The following NFASC variants were observed in gnomAD, a reference collection of about 807,000 sequenced individuals.
NFASC encodes neurofascin homolog.
Under a neutral mutation model 147.5 loss-of-function variants are expected in NFASC, and 43 were observed. The observed-to-expected ratio is 0.29, with a 90% confidence interval of 0.23 to 0.38. The LOEUF is 0.38. Among genes scored for constraint, NFASC ranks in the 10% least tolerant of loss-of-function variants. NFASC has a pLI of 1.00. For synonymous variants in NFASC, 622 were observed against 665.5 expected (o/e 0.93, Z 1.01); for missense variants, 1,320 against 1,689.0 (o/e 0.78, Z 3.83).
At chr1:204,914,664 G>A (rs1446847804) in intron 1 of NFASC, among the ~76,000 whole-genome samples, 1 of 152,178 alleles carries the variant, frequency 6.6e-6, no homozygotes, top group Non-Finnish European at 1.5e-5. Flanking sequence ...GTATCACATT[G>A]TCAGAGATCA....
chr1:204,920,727 A>C lies in NFASC; in HGVS notation c.-104A>C. 1.6e-6 allele frequency: 2 copies of C among 1,287,840 alleles called. No homozygotes were observed. The highest frequency in any genetic ancestry group is 2.5e-5 in the South Asian group (2 of 80,976). The allele number at this position is 1,287,840 out of a possible 1,614,324, so 79.8% of individuals were successfully genotyped here. A position where few individuals can be genotyped will look rare whatever the true frequency, so the allele number is the denominator to read the frequency against. On this transcript the variant is annotated 5_prime_UTR_variant, in exon 2 of 30. The change abolishes an upstream ATG in the 5' untranslated region. Transcript: ENST00000339876. Reference sequence around the variant, plus strand: ...TCTGGTGTTGCAAGGAAGAGGCTGAATGAGGCAGAGAAGGTAAGCAGGACT... The same window carrying C: ...TCTGGTGTTGCAAGGAAGAGGCTGACTGAGGCAGAGAAGGTAAGCAGGACT...
intron 1 of NFASC, among the ~76,000 whole-genome samples, chr1:204,908,375 A>G (rs1161408245): frequency 1.3e-5 from 2 of 152,162 alleles, no homozygotes; most frequent in Non-Finnish European, 2.9e-5. Flanking sequence ...TTTAACTAAC[A>G]TTAAATTGGT....
In NFASC at chr1:205,009,582, C is replaced by G; in HGVS notation, c.3315C>G (p.Ile1105Met). 6.2e-7 allele frequency: 1 copy of G among 1,614,162 alleles called. No individual in the cohort carries two copies. The highest frequency in any genetic ancestry group is 8.5e-7 in the Non-Finnish European group (1 of 1,180,024). ...CTTACACCAACAACCAAGCGGACAT[C>G]GCCACCCAGGGCTGGTTCATTGGGC... Reference protein sequence around the residue: ...STAYTNNQADIATQGWFIGLM... With the variant: ...STAYTNNQADMATQGWFIGLM... The change falls in exon 28 of 30, where the codon ATC (isoleucine) becomes ATG (methionine). Residue 1105 changes from isoleucine to methionine, a missense_variant. Ile to Met is a conservative substitution (Grantham distance 10, BLOSUM62 1). Transcript: ENST00000339876.
chr1:204,843,271 G>A (rs1278162651), intron 1 of NFASC, among the ~76,000 whole-genome samples: 2 of 152,110 alleles, frequency 1.3e-5, no homozygotes, highest in Non-Finnish European at 2.9e-5. Context: ...TGCTTGCTGG[G>A]ACTATTTCCT....
At chr1:204,929,214 C>A (rs908720511) in intron 2 of NFASC, among the ~76,000 whole-genome samples, 1 of 152,094 alleles carries the variant, frequency 6.6e-6, no homozygotes, top group South Asian at 2.1e-4. Context: ...CAGGCTAGGC[C>A]TGCTGAGTGC....
In NFASC at chr1:204,954,263, G is replaced by C. The variant is rs139082842; in HGVS notation, c.291G>C (p.Gly97=). ...GGGTGTCCATGAGGAGGAGGTCTGG[G>C]ACCCTGGTGATTGACTTCCGCAGTG... ...DPRVSMRRRS[G]TLVIDFRSGG... is the part of the protein sequence containing the mutation. Residue 97 remains glycine, a synonymous_variant, in exon 6 of 30, where the codon GGG becomes GGC. Coordinates refer to ENST00000339876, the MANE Select transcript of NFASC (RefSeq NM_001005388.3). The surrounding 1 kb of genome is among the most constrained non-coding windows in gnomAD (Gnocchi z 5.7). 6.2e-7 allele frequency: 1 copy of C among 1,614,214 alleles called. No homozygotes were observed. The highest frequency in any genetic ancestry group is 8.5e-7 in the Non-Finnish European group (1 of 1,180,036).
At chr1:204,852,783 G>A (rs972506956) in intron 1 of NFASC, among the ~76,000 whole-genome samples, 1 of 152,232 alleles carries the variant, frequency 6.6e-6, no homozygotes, top group Non-Finnish European at 1.5e-5. Flanking sequence ...GGGTACTGCT[G>A]TGGCACCATG....
chr1:204,907,062 C>G (rs1558055598), intron 1 of NFASC, among the ~76,000 whole-genome samples: 2 of 152,250 alleles, frequency 1.3e-5, no homozygotes, highest in Middle Eastern at 6.8e-3. Flanking sequence ...AGTGGATGTA[C>G]CATTTTTTAT....
intron 1 of NFASC, among the ~76,000 whole-genome samples, chr1:204,890,695 G>T (rs879628736): frequency 1.3e-5 from 2 of 151,696 alleles, no homozygotes; most frequent in Non-Finnish European, 2.9e-5. Context: ...TCAGCCTCCC[G>T]AGTGGCTGGA....
rs940084202 is a variant in NFASC, at chr1:204,935,918, C to G, written c.-90-8308C>G. Reference sequence around the variant, plus strand: ...TTCCAGTTCTTTCCTCCCACACTATCTTTATGTCAGTCACTCTCCTTTCCC... The same window carrying G: ...TTCCAGTTCTTTCCTCCCACACTATGTTTATGTCAGTCACTCTCCTTTCCC... On this transcript the variant is annotated intron_variant, in intron 2 of 29. Coordinates refer to ENST00000339876, the MANE Select transcript of NFASC (RefSeq NM_001005388.3). Among the ~76,000 whole-genome samples, 20 of 152,272 alleles carry G rather than the reference C, an allele frequency of 1.3e-4. No homozygotes were observed. In the East Asian group the frequency reaches 3.7e-3, roughly 28 times the overall value.
chr1:204,936,114 C>T (rs2092800499), intron 2 of NFASC, among the ~76,000 whole-genome samples: 1 of 151,990 alleles, frequency 6.6e-6, no homozygotes, highest in African/African-American at 2.4e-5. Flanking sequence ...GAAGAAGGCC[C>T]CTGAGTCATT....
intron 1 of NFASC, among the ~76,000 whole-genome samples, chr1:204,906,816 T>G (rs924841973): frequency 6.6e-6 from 1 of 151,916 alleles, no homozygotes; most frequent in Non-Finnish European, 1.5e-5. Flanking sequence ...CCCGAGTAGC[T>G]GGGACTACAG....
chr1:204,898,108 C>T (rs1298275799), intron 1 of NFASC, among the ~76,000 whole-genome samples: 2 of 152,324 alleles, frequency 1.3e-5, no homozygotes, highest in East Asian at 3.9e-4. Context: ...GTCTTGAACT[C>T]TTGGGTTCAA....
intron 1 of NFASC, among the ~76,000 whole-genome samples, chr1:204,884,853 G>T (rs1249480475): frequency 6.6e-6 from 1 of 152,162 alleles, no homozygotes; most frequent in African/African-American, 2.4e-5. Context: ...AATAAAGAGA[G>T]TGCCACACTT....
Position 205,022,601 on chromosome 1 carries a change from A to G in NFASC, c.*6062A>G, listed in dbSNP as rs1216442513. On this transcript the variant is annotated 3_prime_UTR_variant, in exon 30 of 30. Coordinates refer to ENST00000339876, the MANE Select transcript of NFASC (RefSeq NM_001005388.3). ...TTTTGCGAGTTATTTTGCATTAACCAACTTTGTCAGTGACAGATGCGTATC... is the reference window on the plus strand; with the variant it reads ...TTTTGCGAGTTATTTTGCATTAACCGACTTTGTCAGTGACAGATGCGTATC... 1 of 152,642 alleles carries G rather than the reference A, an allele frequency of 6.6e-6. No homozygotes were observed. The highest frequency in any genetic ancestry group is 1.5e-5 in the Non-Finnish European group (1 of 68,038). The allele number at this position is 152,642 out of a possible 1,614,324, so 9.5% of individuals were successfully genotyped here.
chr1:204,864,238 C>G (rs755786365), intron 1 of NFASC, among the ~76,000 whole-genome samples: 1 of 152,150 alleles, frequency 6.6e-6, no homozygotes, highest in African/African-American at 2.4e-5. Context: ...GGTATGAATG[C>G]ACACCGTTTT....
chr1:204,942,923 G>A (rs2093458461), intron 2 of NFASC, among the ~76,000 whole-genome samples: 1 of 152,112 alleles, frequency 6.6e-6, no homozygotes, highest in African/African-American at 2.4e-5. Flanking sequence ...CCTGCTTTTT[G>A]CTCCAGGTCT....
At chr1:204,984,210 C>A in intron 21 of NFASC, 3 of 1,008,016 alleles carry the variant, frequency 3.0e-6, no homozygotes, top group Non-Finnish European at 1.6e-6. Flanking sequence ...GTAGCAAATG[C>A]GGGCTATAAG....
At chr1:204,912,722 T>G (rs1195787232) in intron 1 of NFASC, among the ~76,000 whole-genome samples, 1 of 151,668 alleles carries the variant, frequency 6.6e-6, no homozygotes, top group African/African-American at 2.4e-5. Context: ...AAATTAAAAT[T>G]TTTAAAAAAT....
Sources: allele counts gnomAD v4.1 joint callset (sites outside exome capture counted in the v4.1 genomes callset), GRCh38; gene constraint gnomAD v4.1.1; non-coding constraint Gnocchi (gnomAD v3.1); transcripts MANE v1.5; gene names NCBI Gene and HGNC (gene_info 2026-07-23, HGNC 2026-07-21).